Variants in UBASH3B observed in about 807,000 individuals in gnomAD.
The protein encoded by UBASH3B is ubiquitin-associated and SH3 domain-containing protein B.
Under a neutral mutation model 83.4 loss-of-function variants are expected in UBASH3B, and 37 were observed. The ratio of observed to expected loss-of-function variants is 0.44; its 90% CI spans 0.34 to 0.58. The LOEUF (loss-of-function observed/expected upper bound fraction) is 0.58. Among genes scored for constraint, UBASH3B ranks in the 20% least tolerant of loss-of-function variants. UBASH3B has a pLI of 0.01. For synonymous variants in UBASH3B, 304 were observed against 318.3 expected (o/e 0.96, Z 0.48); for missense variants, 657 against 827.2 (o/e 0.79, Z 2.52).
At chr11:122,662,127 G>A (rs927845543) in intron 1 of UBASH3B, among the ~76,000 whole-genome samples, 36 of 151,926 alleles carry the variant, frequency 2.4e-4, no homozygotes, top group African/African-American at 7.0e-4. Context: ...GGCTGGTCTC[G>A]AACTCCTGAC....
chr11:122,720,372 CT>C (rs1362270594), intron 1 of UBASH3B, among the ~76,000 whole-genome samples: 14 of 152,346 alleles, frequency 9.2e-5, no homozygotes, highest in African/African-American at 3.4e-4. Context: ...GGCATTCTCT[CT>C]TGCTTGTATT....
chr11:122,794,637 C>A (rs1217373310), intron 6 of UBASH3B, 65 bp from the exon 7 acceptor site: 2 of 1,598,602 alleles, frequency 1.3e-6, no homozygotes, highest in Non-Finnish European at 1.7e-6. Context: ...TCCTGTTGAG[C>A]CCAGGAGGAA....
At chr11:122,656,870 G>A (rs1863371814) in intron 1 of UBASH3B, among the ~76,000 whole-genome samples, 1 of 152,374 alleles carries the variant, frequency 6.6e-6, no homozygotes, top group East Asian at 1.9e-4. Flanking sequence ...ATCTGTGGGT[G>A]CCTGAGAGTA....
chr11:122,802,231 C>T (rs1861269308), intron 11 of UBASH3B, among the ~76,000 whole-genome samples: 1 of 146,474 alleles, frequency 6.8e-6, no homozygotes, highest in Admixed American at 7.0e-5. Context: ...AGGAGAATCG[C>T]TTGAACCCAG....
At chr11:122,709,023 G>A (rs1319090961) in intron 1 of UBASH3B, among the ~76,000 whole-genome samples, 1 of 152,202 alleles carries the variant, frequency 6.6e-6, no homozygotes. Context: ...GAGGCTGGCA[G>A]ATGGCTTGAG....
intron 9 of UBASH3B, 84 bp from the exon 10 acceptor site, chr11:122,798,858 A>G (rs1385702584): frequency 4.8e-6 from 5 of 1,041,090 alleles, no homozygotes; most frequent in Non-Finnish European, 7.4e-6. Context: ...ACAGGAGCTT[A>G]CTGCTTGGCC....
At chr11:122,693,491 C>T (rs1863923322) in intron 1 of UBASH3B, among the ~76,000 whole-genome samples, 1 of 152,036 alleles carries the variant, frequency 6.6e-6, no homozygotes, top group African/African-American at 2.4e-5. Flanking sequence ...GTAAAACATT[C>T]CAAGAAAGGT....
At chr11:122,809,664 C>T (rs902126470) in intron 13 of UBASH3B, 85 bp from the exon 14 acceptor site, 12 of 1,440,638 alleles carry the variant, frequency 8.3e-6, no homozygotes, top group Middle Eastern at 2.1e-4. Flanking sequence ...TCTCTAGGGC[C>T]ACATGAATAT....
intron 3 of UBASH3B, 115 bp downstream of exon 3, chr11:122,777,325 T>G (rs778641744): frequency 3.7e-5 from 43 of 1,167,986 alleles, no homozygotes; most frequent in Non-Finnish European, 4.9e-5. Flanking sequence ...AGTCACAGGC[T>G]CCTACAGCTG....
At chr11:122,720,827 G>A (rs868498462) in intron 1 of UBASH3B, among the ~76,000 whole-genome samples, 7 of 151,806 alleles carry the variant, frequency 4.6e-5, no homozygotes, top group African/African-American at 7.3e-5. Context: ...TTTCCAAAAC[G>A]CTTACTATAA....
At position 122,768,644 on chromosome 11, in the gene UBASH3B, T is replaced by C. The variant is rs185020113; in HGVS notation, c.162-7575T>C. Among the ~76,000 whole-genome samples the C allele has an allele frequency of 4.6e-3, 697 of 152,066 alleles. 5 individuals are homozygous for C. Among genetic ancestry groups the C allele is most frequent in the African/African-American group, 0.016 (646 of 41,468 alleles). ...CCTCAGCCTCCCAAGTAGCTGGGAT[T>C]ATAGGCAGCCACCACCAGGCCCAGC... is the stretch of plus-strand genomic sequence containing the variant. On this transcript the variant is annotated intron_variant, in intron 1 of 13. Coordinates refer to ENST00000284273, the MANE Select transcript of UBASH3B (RefSeq NM_032873.5).
At chr11:122,788,096 G>A (rs1233088490) in intron 5 of UBASH3B, among the ~76,000 whole-genome samples, 2 of 152,222 alleles carry the variant, frequency 1.3e-5, no homozygotes, top group African/African-American at 4.8e-5. Context: ...CAACTGGCAT[G>A]GCCTGTTTTT....
At chr11:122,709,711 CT>C (rs1864165767) in intron 1 of UBASH3B, among the ~76,000 whole-genome samples, 1 of 152,174 alleles carries the variant, frequency 6.6e-6, no homozygotes, top group African/African-American at 2.4e-5. Flanking sequence ...TAATCTAAGG[CT>C]TTTGCAAGGG....
chr11:122,746,362 A>T (rs555087092), intron 1 of UBASH3B, among the ~76,000 whole-genome samples: 1 of 152,352 alleles, frequency 6.6e-6, no homozygotes, highest in East Asian at 1.9e-4. Context: ...GAGTGGGCGG[A>T]CAAGTGGAAG....
At chr11:122,775,849 A>ATT in intron 1 of UBASH3B, 1 of 195,288 alleles carries the variant, frequency 5.1e-6, no homozygotes, top group East Asian at 1.4e-4. Context: ...GAAAACAAGA[A>ATT]TCTGCTCTGT....
At chr11:122,763,717 G>C (rs1265341116) in intron 1 of UBASH3B, among the ~76,000 whole-genome samples, 1 of 152,072 alleles carries the variant, frequency 6.6e-6, no homozygotes, top group Non-Finnish European at 1.5e-5. Flanking sequence ...TAACTGAAAG[G>C]GTTCACCACC....
chr11:122,752,915 C>T (rs550292908), intron 1 of UBASH3B, among the ~76,000 whole-genome samples: 2 of 152,068 alleles, frequency 1.3e-5, no homozygotes, highest in South Asian at 2.1e-4. Context: ...CTCATTTTAC[C>T]GACTGAAGAG....
chr11:122,687,644 C>T (rs1863825888), intron 1 of UBASH3B, among the ~76,000 whole-genome samples: 1 of 152,156 alleles, frequency 6.6e-6, no homozygotes, highest in Admixed American at 6.5e-5. Flanking sequence ...CCTCTTTAAA[C>T]CCATTTTACA....
intron 1 of UBASH3B, among the ~76,000 whole-genome samples, chr11:122,702,744 C>CT (rs376154720): frequency 1.3e-5 from 2 of 152,158 alleles, no homozygotes; most frequent in Middle Eastern, 3.4e-3. Context: ...AGGCTGGTCT[C>CT]TAACTCCTGA....
Sources: allele counts gnomAD v4.1 joint callset (sites outside exome capture counted in the v4.1 genomes callset), GRCh38; gene constraint gnomAD v4.1.1; transcripts MANE v1.5; gene names NCBI Gene and HGNC (gene_info 2026-07-23, HGNC 2026-07-21).